Variants in GRK5 observed in about 807,000 individuals in gnomAD.
GRK5 encodes g protein-coupled receptor kinase GRK5.
A neutral mutation model predicts 78.4 loss-of-function variants in GRK5; 40 were observed. The ratio of observed to expected loss-of-function variants is 0.51; its 90% CI spans 0.40 to 0.66. The LOEUF is 0.66. Among genes scored for constraint, GRK5 ranks in the 30% least tolerant of loss-of-function variants. GRK5 has a pLI of 0.00. For missense variants in GRK5, 598 were observed against 759.9 expected (o/e 0.79, Z 2.50); for synonymous variants, 289 against 296.8 (o/e 0.97, Z 0.27).
chr10:119,453,691 C>T (rs567896590), intron 15 of GRK5, among the ~76,000 whole-genome samples: 1 of 152,352 alleles, frequency 6.6e-6, no homozygotes, highest in Non-Finnish European at 1.5e-5. Context: ...GGGGCACAGT[C>T]ACCCCTGATT....
chr10:119,376,337 G>A (rs1851620018), intron 2 of GRK5, among the ~76,000 whole-genome samples: 1 of 152,146 alleles, frequency 6.6e-6, no homozygotes, highest in African/African-American at 2.4e-5. Context: ...CGGCCAGTGG[G>A]TATAAGATGT....
At chr10:119,410,642 G>A (rs1651003531) in intron 4 of GRK5, among the ~76,000 whole-genome samples, 2 of 152,156 alleles carry the variant, frequency 1.3e-5, no homozygotes, top group South Asian at 4.1e-4. Flanking sequence ...TGAGCCTGCT[G>A]TCTGCCTGTG....
intron 6 of GRK5, among the ~76,000 whole-genome samples, chr10:119,426,853 T>A (rs1050059631): frequency 2.0e-5 from 3 of 151,788 alleles, no homozygotes; most frequent in African/African-American, 4.8e-5. Flanking sequence ...ATCACCACCA[T>A]CATCAGTATC....
chr10:119,338,012 G>A lies in GRK5; in HGVS notation c.148+11401G>A, dbSNP rs181789104. 6.6e-5 allele frequency among the ~76,000 whole-genome samples: 10 copies of A among 152,300 alleles called. No individual in the cohort carries two copies. In the East Asian group the frequency reaches 1.9e-3, roughly 29 times the overall value. The stretch of plus-strand genomic sequence containing the variant: ...TTAACTTGATTATCTCTGTAGCAAC[G>A]CTCTTTCCAAATAAGGTCACGTTCT... On this transcript the variant is annotated intron_variant, in intron 2 of 15. Transcript: ENST00000392870.
chr10:119,359,259 G>C (rs1257125110), intron 2 of GRK5, among the ~76,000 whole-genome samples: 1 of 152,172 alleles, frequency 6.6e-6, no homozygotes, highest in Non-Finnish European at 1.5e-5. Flanking sequence ...GAGAGGGCTT[G>C]GGGGCAGTAC....
chr10:119,304,436 C>T (rs958085648), intron 1 of GRK5, among the ~76,000 whole-genome samples: 4 of 151,972 alleles, frequency 2.6e-5, no homozygotes, highest in East Asian at 3.9e-4. Context: ...GGATTACAGG[C>T]GTGTGCCATC....
chr10:119,260,771 A>G (rs929340958), intron 1 of GRK5, among the ~76,000 whole-genome samples: 11 of 150,836 alleles, frequency 7.3e-5, no homozygotes, highest in Non-Finnish European at 1.2e-4. Flanking sequence ...TTTTCTTAGT[A>G]CAGAACAAAA....
At chr10:119,435,557 A>C in intron 8 of GRK5, among the ~76,000 whole-genome samples, 1 of 152,220 alleles carries the variant, frequency 6.6e-6, no homozygotes, top group Non-Finnish European at 1.5e-5. Flanking sequence ...TCCAGTTCCC[A>C]ACAAGTTCCT....
rs1306030442 is a variant in GRK5, at chr10:119,380,858, G to T, written c.192G>T (p.Arg64Ser). The T allele has an allele frequency of 1.9e-6, 3 of 1,613,326 alleles. No homozygotes were observed. The highest frequency in any genetic ancestry group is 2.7e-5 in the African/African-American group (2 of 74,928). ...CSLCDKQPIG[R>S]LLFRQFCETR... ...TATGTGACAAGCAGCCAATCGGGAG[G>T]CTGCTTTTCCGGCAGTTTTGTGAAA... Residue 64 changes from arginine to serine, a missense_variant, in exon 3 of 16, where the codon AGG (arginine) becomes AGT (serine). Transcript: ENST00000392870.
rs543706597 is a variant in GRK5 at position 119,458,284 on chromosome 10, A to G, written c.*3217A>G. The G allele has an allele frequency of 1.3e-5, 2 of 152,362 alleles. No homozygotes were observed. The highest frequency in any genetic ancestry group is 2.1e-4 in the South Asian group (1 of 4,826). 9.4% of individuals were successfully genotyped at this position (152,362 alleles called of 1,614,324 possible). A position where few individuals can be genotyped will look rare whatever the true frequency, so the allele number is the denominator to read the frequency against. On this transcript the variant is annotated 3_prime_UTR_variant, in exon 16 of 16. Coordinates refer to ENST00000392870, the MANE Select transcript of GRK5 (RefSeq NM_005308.3). Reference sequence around the variant, plus strand: ...CTGGTGGACAGAGGCGGTCTCTGCCATGGTCACCATGATGCCCTACAAGTG... The same window carrying G: ...CTGGTGGACAGAGGCGGTCTCTGCCGTGGTCACCATGATGCCCTACAAGTG...
chr10:119,352,213 C>G (rs1851196160), intron 2 of GRK5, among the ~76,000 whole-genome samples: 1 of 152,088 alleles, frequency 6.6e-6, no homozygotes, highest in African/African-American at 2.4e-5. Flanking sequence ...CATCAGGGTC[C>G]TAGGCTGCTT....
Position 119,378,281 on chromosome 10 carries a change from G to C in GRK5, c.149-2534G>C, listed in dbSNP as rs911740527. Among the ~76,000 whole-genome samples, 14 of 152,170 alleles carry C rather than the reference G, an allele frequency of 9.2e-5. No homozygotes were observed. The highest frequency in any genetic ancestry group is 2.1e-4 in the Non-Finnish European group (14 of 68,044). ...GCTATTTGTGAACCATCTGTGCTGGGAGCGGTGGAGACTGCGCCCACGGCT... is the reference window on the plus strand; with the variant it reads ...GCTATTTGTGAACCATCTGTGCTGGCAGCGGTGGAGACTGCGCCCACGGCT... On this transcript the variant is annotated intron_variant, in intron 2 of 15. Coordinates refer to ENST00000392870, the MANE Select transcript of GRK5 (RefSeq NM_005308.3). This position sits in a 1 kb window ranked among gnomAD's most constrained non-coding sequence, Gnocchi z 4.5.
rs112349727 is a variant in GRK5, at chr10:119,330,730, T to C, written c.148+4119T>C. ...GCCCCCTCCTCCCAAATTAAGACTC[T>C]TAGATCTAGGATGGGTGTGATGGCT... On this transcript the variant is annotated intron_variant, in intron 2 of 15. Coordinates refer to ENST00000392870, the MANE Select transcript of GRK5 (RefSeq NM_005308.3). Among the ~76,000 whole-genome samples, 280 of 152,126 alleles carry C rather than the reference T, an allele frequency of 1.8e-3. 1 individual carries two copies. The highest frequency in any genetic ancestry group is 6.4e-3 in the African/African-American group (264 of 41,504).
At chr10:119,376,893 C>A (rs1398732969) in intron 2 of GRK5, among the ~76,000 whole-genome samples, 2 of 152,186 alleles carry the variant, frequency 1.3e-5, no homozygotes, top group Non-Finnish European at 2.9e-5. Flanking sequence ...TTACATAAAG[C>A]AGCCTCTTTC....
chr10:119,418,978 C>T (rs147125350), intron 4 of GRK5, among the ~76,000 whole-genome samples: 20 of 152,358 alleles, frequency 1.3e-4, no homozygotes, highest in African/African-American at 4.3e-4. Context: ...CCCTGACCAT[C>T]AGCTCCATCC....
At chr10:119,294,791 A>G (rs1334044258) in intron 1 of GRK5, among the ~76,000 whole-genome samples, 1 of 152,182 alleles carries the variant, frequency 6.6e-6, no homozygotes, top group Non-Finnish European at 1.5e-5. Flanking sequence ...TATTTTTTAC[A>G]TATTGCCTAT....
At chr10:119,277,370 G>A (rs1001556189) in intron 1 of GRK5, among the ~76,000 whole-genome samples, 2 of 152,166 alleles carry the variant, frequency 1.3e-5, no homozygotes, top group African/African-American at 4.8e-5. Flanking sequence ...TAAAAATAAC[G>A]ATGTCTGTAG....
chr10:119,315,823 AG>A (rs1207696109), intron 1 of GRK5, among the ~76,000 whole-genome samples: 1 of 152,140 alleles, frequency 6.6e-6, no homozygotes, highest in African/African-American at 2.4e-5. Flanking sequence ...AGACCCTCCC[AG>A]ACTGATTCAG....
At position 119,443,864 on chromosome 10, in the gene GRK5, A is replaced by G. The variant is rs796226937; in HGVS notation, c.1266+112A>G. On this transcript the variant is annotated intron_variant, in intron 12 of 15. Transcript: ENST00000392870. ...AGGCTGAAGGGACAGGGGTCTGAGC[A>G]TGGGGGTGGGGGTTGCAGCCCACCA... 90 of 932,608 alleles carry G rather than the reference A, an allele frequency of 9.7e-5. 2 individuals are homozygous for G. The African/African-American group carries it at 1.1e-3, about 12-fold the overall frequency. 57.8% of individuals were successfully genotyped at this position (932,608 alleles called of 1,614,324 possible). A position where few individuals can be genotyped will look rare whatever the true frequency, so the allele number is the denominator to read the frequency against.
Sources: allele counts gnomAD v4.1 joint callset (sites outside exome capture counted in the v4.1 genomes callset), GRCh38; gene constraint gnomAD v4.1.1; non-coding constraint Gnocchi (gnomAD v3.1); transcripts MANE v1.5; gene names NCBI Gene and HGNC (gene_info 2026-07-23, HGNC 2026-07-21).